DHX57: variants seen among roughly 807,000 people sequenced by gnomAD.
DHX57 encodes the protein putative ATP-dependent RNA helicase DHX57.
In DHX57, 105 loss-of-function variants were observed where a neutral mutation model predicts 156.2. The ratio of observed to expected loss-of-function variants is 0.67; its 90% confidence interval spans 0.57 to 0.79. The LOEUF is 0.79. DHX57 is among the 30% of genes least tolerant of loss of function. The probability of loss-of-function intolerance (pLI) is 0.00; values close to 1 mark genes in which losing one functional copy is unlikely to be tolerated. For missense variants in DHX57, 1,847 were observed against 1,661.9 expected, an observed-to-expected ratio of 1.11 and a Z score of -1.94; for synonymous variants, 704 against 595.6, an observed-to-expected ratio of 1.18 and a Z score of -2.65.
intron 11 of DHX57, among the ~76,000 whole-genome samples, chr2:38,845,865 CTTTTTTTT>C (rs5830544): frequency 8.7e-5 from 12 of 137,242 alleles, no homozygotes; most frequent in Non-Finnish European, 1.3e-4. Context: ...TAATAGCTAA[CTTTTTTTT>C]TTTTTTTTTT....
chr2:38,803,051 TC>T, intron 22 of DHX57, 136 bp from the exon 23 acceptor site: 1 of 822,602 alleles, frequency 1.2e-6, no homozygotes, highest in Non-Finnish European at 1.9e-6. Context: ...TTTCCTGAGC[TC>T]CAGATCTGCA....
chr2:38,812,882 C>T (rs1670339266), intron 21 of DHX57, among the ~76,000 whole-genome samples: 1 of 149,078 alleles, frequency 6.7e-6, no homozygotes, highest in African/African-American at 2.5e-5. Context: ...GAGTCTCGGT[C>T]TGTGGCCCAG....
chr2:38,812,779 C>T (rs1164624209), intron 21 of DHX57, among the ~76,000 whole-genome samples: 5 of 152,064 alleles, frequency 3.3e-5, no homozygotes, highest in African/African-American at 9.7e-5. Flanking sequence ...GCGATCCGCC[C>T]GCCTCGGCCT....
rs535268562 is a variant in DHX57 at position 38,822,467 on chromosome 2, C to T, written c.3291+526G>A. On this transcript the variant is annotated intron_variant, in intron 17 of 23. Transcript: ENST00000457308. ...CTGGAATGTGGTGGCGCGATCTCGG[C>T]TCAGCAACCTCCGCCTCCCAGGTTC... 1.6e-4 allele frequency among the ~76,000 whole-genome samples: 25 copies of T among 152,032 alleles called. No individual in the cohort carries two copies. In the South Asian group the frequency reaches 5.2e-3, roughly 32 times the overall value.
At chr2:38,827,473 G>A (rs1445195233) in intron 14 of DHX57, among the ~76,000 whole-genome samples, 4 of 92,396 alleles carry the variant, frequency 4.3e-5, no homozygotes, top group Admixed American at 1.8e-4. Context: ...GCCACAGAGC[G>A]AGACTCTGTC....
At chr2:38,838,132 T>C (rs1671780725) in intron 12 of DHX57, among the ~76,000 whole-genome samples, 185 bp from the exon 13 acceptor site, 1 of 152,174 alleles carries the variant, frequency 6.6e-6, no homozygotes, top group Admixed American at 6.5e-5. Context: ...AGGGTCTTGC[T>C]CTGTCACCCA....
chr2:38,804,852 C>T (rs1012243958), intron 22 of DHX57, among the ~76,000 whole-genome samples: 1 of 152,166 alleles, frequency 6.6e-6, no homozygotes, highest in Non-Finnish European at 1.5e-5. Flanking sequence ...CTTCCCTGAC[C>T]ACCCCACGTG....
At chr2:38,818,477 G>A (rs1670654693) in intron 19 of DHX57, among the ~76,000 whole-genome samples, 1 of 152,104 alleles carries the variant, frequency 6.6e-6, no homozygotes. Flanking sequence ...CAAGTGAGCC[G>A]AGATCGCACC....
chr2:38,818,283 T>C (rs922689905), intron 19 of DHX57, among the ~76,000 whole-genome samples: 14 of 152,114 alleles, frequency 9.2e-5, no homozygotes, highest in Non-Finnish European at 1.6e-4. Flanking sequence ...TCCCAGCACT[T>C]TGGGTGGCCA....
In DHX57 at chr2:38,868,238, T is replaced by G. The variant is rs369704731; in HGVS notation, c.168A>C (p.Arg56Ser). 4.3e-6 allele frequency: 7 copies of G among 1,614,144 alleles called. No homozygotes were observed. Among genetic ancestry groups the G allele is most frequent in the Non-Finnish European group, 5.9e-6 (7 of 1,180,032 alleles). The stretch of plus-strand genomic sequence containing the variant: ...AAAAGTCATCTCCATCATCCCATAT[T>G]CTACTGGAGGCCTTTCTGTTGCCGC... ...GGGGNRKASS[R>S]IWDDGDDFCI... Residue 56 changes from arginine (R) to serine (S), a missense_variant, in exon 2 of 24, where the codon AGA (arginine) becomes AGC (serine). Physicochemically the swap from Arg to Ser is moderately radical, Grantham distance 110. Coordinates refer to ENST00000457308, the MANE Select transcript of DHX57 (RefSeq NM_198963.3).
intron 14 of DHX57, 34 bp downstream of exon 14, chr2:38,828,306 G>A (rs1265421081): frequency 6.5e-7 from 1 of 1,543,026 alleles, no homozygotes; most frequent in Non-Finnish European, 8.9e-7. Context: ...TAACTGCAAT[G>A]GATGATTAAG....
intron 10 of DHX57, among the ~76,000 whole-genome samples, chr2:38,847,306 T>A (rs1187269714): frequency 6.6e-6 from 1 of 152,170 alleles, no homozygotes; most frequent in East Asian, 1.9e-4. Flanking sequence ...CTAAGACTTT[T>A]TTTCTTTTAC....
At chr2:38,822,592 A>T (rs1670880868) in intron 17 of DHX57, among the ~76,000 whole-genome samples, 1 of 150,896 alleles carries the variant, frequency 6.6e-6, no homozygotes, top group Non-Finnish European at 1.5e-5. Flanking sequence ...ACAGGGTTTC[A>T]CCATGTTGGC....
At chr2:38,815,497 G>A (rs3112138) in intron 20 of DHX57, 24 bp downstream of exon 20, 1,580,093 of 1,613,690 alleles carry the variant, frequency 0.98, 776,198 homozygotes, top group Non-Finnish European at 0.99. Context: ...AAAGAGAAAT[G>A]AGAACCAACT....
chr2:38,800,296 G>A (rs1669618845), intron 23 of DHX57, among the ~76,000 whole-genome samples: 1 of 151,896 alleles, frequency 6.6e-6, no homozygotes, highest in South Asian at 2.1e-4. Context: ...GGAGGTTGCA[G>A]TGAACCGAGA....
chr2:38,861,601 C>T lies in DHX57; in HGVS notation c.809G>A (p.Arg270Lys). 1 of 1,614,192 alleles carries T rather than the reference C, an allele frequency of 6.2e-7. No individual in the cohort carries two copies. Among genetic ancestry groups the T allele is most frequent in the South Asian group, 1.1e-5 (1 of 91,082 alleles). ...GEKFIERIQN[R>K]VWTIGLELEY... ...CAGTTCTAACCCAATGGTCCAGACT[C>T]TGTTCTGAATTCTTTCTATAAATTT... The change falls in exon 5 of 24, where the codon AGA becomes AAA. Residue 270 changes from arginine to lysine, a missense_variant. Arg to Lys is a conservative substitution (Grantham distance 26). Coordinates refer to ENST00000457308, the MANE Select transcript of DHX57 (RefSeq NM_198963.3).
At chr2:38,802,595 T>C in intron 23 of DHX57, 120 bp downstream of exon 23, 1 of 1,282,526 alleles carries the variant, frequency 7.8e-7, no homozygotes, top group Non-Finnish European at 1.1e-6. Flanking sequence ...GCCACCGTCA[T>C]TCATTTTTAA....
chr2:38,807,615 C>T (rs1670020111), intron 21 of DHX57, among the ~76,000 whole-genome samples: 1 of 151,906 alleles, frequency 6.6e-6, no homozygotes, highest in South Asian at 2.1e-4. Flanking sequence ...CGTCGGCCTC[C>T]CAAAATGCTG....
intron 13 of DHX57, among the ~76,000 whole-genome samples, chr2:38,837,203 T>C (rs1671723281): frequency 6.6e-6 from 1 of 152,200 alleles, no homozygotes; most frequent in Admixed American, 6.5e-5. Context: ...TACTGAGCCT[T>C]AACTATACTG....
Sources: allele counts gnomAD v4.1 joint callset (sites outside exome capture counted in the v4.1 genomes callset), GRCh38; gene constraint gnomAD v4.1.1; transcripts MANE v1.5; gene names NCBI Gene and HGNC (gene_info 2026-07-23, HGNC 2026-07-21).